MBP: variants seen among roughly 807,000 people sequenced by gnomAD.
MBP encodes Golli-MBP.
Under a neutral mutation model 35.8 loss-of-function variants are expected in MBP, and 16 were observed. That is an observed-to-expected ratio of 0.45 (90% confidence interval 0.30 to 0.68). MBP has a LOEUF of 0.68. Ranked by LOEUF, MBP falls within the 30% of genes least tolerant of loss-of-function variation. The probability of loss-of-function intolerance (pLI) is 0.08; values close to 1 mark genes in which losing one functional copy is unlikely to be tolerated. For missense variants in MBP, 380 were observed against 404.7 expected, an observed-to-expected ratio of 0.94 and a Z score of 0.52; for synonymous variants, 143 against 159.6, an observed-to-expected ratio of 0.90 and a Z score of 0.78.
chr18:77,034,927 CATG>C (rs1330120182), intron 3 of MBP, among the ~76,000 whole-genome samples: 2 of 152,228 alleles, frequency 1.3e-5, no homozygotes, highest in African/African-American at 2.4e-5. Flanking sequence ...GGGTGTGCTG[CATG>C]ATGTCAAAAG....
intron 4 of MBP, among the ~76,000 whole-genome samples, chr18:76,999,747 C>G (rs556570681): frequency 2.5e-4 from 38 of 152,244 alleles, no homozygotes; most frequent in African/African-American, 8.4e-4. Flanking sequence ...CCGTGAGCCA[C>G]CACACATGGC....
intron 3 of MBP, among the ~76,000 whole-genome samples, chr18:77,054,658 C>T (rs896618893): frequency 6.6e-6 from 1 of 152,224 alleles, no homozygotes; most frequent in Non-Finnish European, 1.5e-5. Flanking sequence ...CATCAGTGCT[C>T]TCAGCAAAGA....
At chr18:77,053,407 CG>C (rs1442502716) in intron 3 of MBP, among the ~76,000 whole-genome samples, 7 of 152,262 alleles carry the variant, frequency 4.6e-5, no homozygotes, top group African/African-American at 1.7e-4. Context: ...TGCTCCGCTA[CG>C]GGGGCTGGCT....
chr18:77,084,431 C>CCACACACACACACACACACACACACA (rs60010988), intron 2 of MBP, among the ~76,000 whole-genome samples: 1 of 105,886 alleles, frequency 9.4e-6, no homozygotes, highest in Non-Finnish European at 2.0e-5. Flanking sequence ...CCACACCACA[C>CCACACACACACACACACACACACACA]CACACACACA....
chr18:77,070,152 T>C (rs1974380223), intron 2 of MBP, among the ~76,000 whole-genome samples: 1 of 152,166 alleles, frequency 6.6e-6, no homozygotes, highest in South Asian at 2.1e-4. Context: ...ATTTTCGTGA[T>C]GATAAAACAA....
chr18:77,009,513 G>A (rs1009355271), intron 4 of MBP, among the ~76,000 whole-genome samples: 9 of 152,212 alleles, frequency 5.9e-5, no homozygotes, highest in African/African-American at 9.6e-5. Flanking sequence ...AGCCACTCCC[G>A]GGCCCCTCCA....
intron 1 of MBP, chr18:77,108,179 C>T (rs1976338590): frequency 6.6e-6 from 1 of 152,242 alleles, no homozygotes; most frequent in African/African-American, 2.4e-5. Context: ...AAGGATGAAG[C>T]TCTCACTGTC....
intron 3 of MBP, among the ~76,000 whole-genome samples, chr18:77,063,160 A>G (rs931324933): frequency 4.6e-5 from 7 of 152,238 alleles, no homozygotes; most frequent in African/African-American, 1.7e-4. Flanking sequence ...AATTGCATAT[A>G]TGCCTCCAAG....
chr18:77,044,458 C>A lies in MBP; in HGVS notation c.139+21840G>T, dbSNP rs896970632. ...ACCTGGGGACTGCTGTCCTCCTTCC[C>A]AGCATGAAGTTCTACTGCAAGGGCC... On this transcript the variant is annotated intron_variant, in intron 3 of 8. Coordinates refer to ENST00000355994, the MANE Select transcript of MBP (RefSeq NM_001025101.2). The surrounding 1 kb of genome is among the most constrained non-coding windows in gnomAD (Gnocchi z 4.4). 6.6e-6 allele frequency among the ~76,000 whole-genome samples: 1 copy of A among 152,144 alleles called. No homozygotes were observed. Among genetic ancestry groups the A allele is most frequent in the Non-Finnish European group, 1.5e-5 (1 of 68,030 alleles).
At chr18:76,985,149 C>A in intron 7 of MBP, 14 of 1,525,936 alleles carry the variant, frequency 9.2e-6, no homozygotes, top group Non-Finnish European at 1.2e-5. Flanking sequence ...ATGAGATATG[C>A]GGCCCAACCA....
intron 2 of MBP, among the ~76,000 whole-genome samples, chr18:77,103,754 C>G (rs1042298310): frequency 6.6e-6 from 1 of 152,056 alleles, no homozygotes; most frequent in African/African-American, 2.4e-5. Context: ...CAGCTAGGAC[C>G]CCTGGGCATT....
chr18:77,030,546 CA>C (rs772929252), intron 3 of MBP, among the ~76,000 whole-genome samples: 2 of 152,198 alleles, frequency 1.3e-5, no homozygotes, highest in Non-Finnish European at 2.9e-5. Context: ...TTCTAGCCCA[CA>C]GTTGCTTTAG....
chr18:76,980,364 A>G lies in MBP; in HGVS notation c.*63T>C, dbSNP rs766227267. On this transcript the variant is annotated 3_prime_UTR_variant, in exon 9 of 9. Coordinates refer to ENST00000355994, the MANE Select transcript of MBP (RefSeq NM_001025101.2). ...TAATTAGGTAACAGGGGCAAGTGGG[A>G]TTAAAGTTTTAAGGCAGTTATATTA... 1 of 1,460,090 alleles carries G rather than the reference A, an allele frequency of 6.8e-7. No homozygotes were observed. Among genetic ancestry groups the G allele is most frequent in the Non-Finnish European group, 9.6e-7 (1 of 1,039,538 alleles). 90.4% of individuals were successfully genotyped at this position (1,460,090 alleles called of 1,614,324 possible). A position where few individuals can be genotyped will look rare whatever the true frequency, so the allele number is the denominator to read the frequency against.
At chr18:77,118,115 G>A (rs1326781576) in intron 1 of MBP, among the ~76,000 whole-genome samples, 1 of 65,970 alleles carries the variant, frequency 1.5e-5, no homozygotes, top group Admixed American at 1.3e-4. Context: ...GTGGGATGGG[G>A]ACAGTGGGTT....
intron 4 of MBP, among the ~76,000 whole-genome samples, chr18:77,011,088 C>G (rs1006423512): frequency 6.6e-6 from 1 of 152,258 alleles, no homozygotes; most frequent in African/African-American, 2.4e-5. Context: ...GTGAACACAC[C>G]GGGGTTTTCA....
chr18:76,989,070 T>C lies in MBP; in HGVS notation c.682-158A>G. The C allele has an allele frequency of 1.3e-6, 1 of 757,234 alleles. No homozygotes were observed. The allele number at this position is 757,234 out of a possible 1,614,324, so 46.9% of individuals were successfully genotyped here. A position where few individuals can be genotyped will look rare whatever the true frequency, so the allele number is the denominator to read the frequency against. ...ACTTCTGTCCTAGTTGGTGAAGAAG[T>C]ATAGACCTGAGATTGAAAATATTCT... On this transcript the variant is annotated intron_variant, in intron 5 of 8. Transcript: ENST00000355994. This position sits in a 1 kb window ranked among gnomAD's most constrained non-coding sequence, Gnocchi z 4.0.
At chr18:77,040,564 T>C (rs1240287121) in intron 3 of MBP, among the ~76,000 whole-genome samples, 1 of 152,236 alleles carries the variant, frequency 6.6e-6, no homozygotes, top group Non-Finnish European at 1.5e-5. Flanking sequence ...AACAGCATGG[T>C]ACTGGTACCA....
intron 2 of MBP, among the ~76,000 whole-genome samples, chr18:77,074,524 T>C (rs1465207706): frequency 6.6e-6 from 1 of 152,204 alleles, no homozygotes; most frequent in African/African-American, 2.4e-5. Context: ...CATAAGAATT[T>C]GGCAGCAAGC....
chr18:76,999,053 A>T (rs935856805), intron 4 of MBP, among the ~76,000 whole-genome samples: 1 of 151,372 alleles, frequency 6.6e-6, no homozygotes, highest in Non-Finnish European at 1.5e-5. Flanking sequence ...TTTTCAATTT[A>T]TGGGGAGTGG....
Sources: allele counts gnomAD v4.1 joint callset (sites outside exome capture counted in the v4.1 genomes callset), GRCh38; gene constraint gnomAD v4.1.1; non-coding constraint Gnocchi (gnomAD v3.1); transcripts MANE v1.5; gene names NCBI Gene and HGNC (gene_info 2026-07-23, HGNC 2026-07-21).